Variants in SEPTIN10 observed in about 807,000 individuals in gnomAD.
SEPTIN10 encodes septin-10.
Under a neutral mutation model 54.8 loss-of-function variants are expected in SEPTIN10, and 66 were observed. The observed-to-expected ratio is 1.21, with a 90% CI of 0.99 to 1.48. SEPTIN10 has a LOEUF of 1.48. Ranked by LOEUF, SEPTIN10 falls within the 40% of genes most tolerant of loss-of-function variation. SEPTIN10 has a pLI of 0.00. For synonymous variants in SEPTIN10, 161 were observed against 181.0 expected (o/e 0.89, Z 0.89); for missense variants, 620 against 545.6 (o/e 1.14, Z -1.36).
Position 109,544,227 on chromosome 2 carries a change from A to C in SEPTIN10, c.*82T>G. On this transcript the variant is annotated 3_prime_UTR_variant, in exon 11 of 11. Coordinates refer to ENST00000397712, the MANE Select transcript of SEPTIN10 (RefSeq NM_144710.5). ...ATATAGAAGTGATAAAACAAATAACAGCAAAATCAAAGCACACTTCTAGTT... is the reference window on the plus strand; with the variant it reads ...ATATAGAAGTGATAAAACAAATAACCGCAAAATCAAAGCACACTTCTAGTT... 6.2e-7 allele frequency: 1 copy of C among 1,611,728 alleles called. No homozygotes were observed. Among genetic ancestry groups the C allele is most frequent in the Non-Finnish European group, 8.5e-7 (1 of 1,179,232 alleles).
At chr2:109,594,655 T>A (rs929990622) in intron 1 of SEPTIN10, 2 of 152,182 alleles carry the variant, frequency 1.3e-5, no homozygotes, top group Admixed American at 6.5e-5. Flanking sequence ...GGCATTGCAA[T>A]GAAAGAGAGA....
chr2:109,574,776 T>C lies in SEPTIN10; in HGVS notation c.414-9A>G. 6.4e-7 allele frequency: 1 copy of C among 1,558,718 alleles called. No homozygotes were observed. The highest frequency in any genetic ancestry group is 8.7e-7 in the Non-Finnish European group (1 of 1,154,004). The stretch of plus-strand genomic sequence containing the variant: ...CAACTATTGGTTGGTAGCTGAAAAA[T>C]TATTTAAATGTTTAATACAACATTA... On this transcript the variant is annotated splice_polypyrimidine_tract_variant and intron_variant, in intron 4 of 10. Coordinates refer to ENST00000397712, the MANE Select transcript of SEPTIN10 (RefSeq NM_144710.5).
chr2:109,596,899 A>G (rs1695428627), intron 1 of SEPTIN10, among the ~76,000 whole-genome samples: 1 of 152,174 alleles, frequency 6.6e-6, no homozygotes, highest in South Asian at 2.1e-4. Flanking sequence ...AATTTCCAAA[A>G]CAAGTTTAAT....
chr2:109,603,529 G>A (rs976062742), intron 1 of SEPTIN10, among the ~76,000 whole-genome samples: 4 of 150,960 alleles, frequency 2.6e-5, no homozygotes, highest in African/African-American at 7.3e-5. Flanking sequence ...GTGCACCACC[G>A]CGCCCGGCCT....
intron 2 of SEPTIN10, among the ~76,000 whole-genome samples, chr2:109,587,997 T>C (rs1692987514): frequency 6.6e-6 from 1 of 151,056 alleles, no homozygotes; most frequent in Admixed American, 6.6e-5. Flanking sequence ...GAGGCTGAGG[T>C]GGGAGGATCA....
At chr2:109,613,768 G>T (rs1427420873) in intron 1 of SEPTIN10, 30 bp downstream of exon 1, 1 of 1,214,940 alleles carries the variant, frequency 8.2e-7, no homozygotes, top group African/African-American at 1.6e-5. Flanking sequence ...GGGAGCGCGG[G>T]GCTGGGGCCC....
At chr2:109,546,321 C>G (rs1681230829) in intron 9 of SEPTIN10, 84 bp from the exon 10 acceptor site, 1 of 834,644 alleles carries the variant, frequency 1.2e-6, no homozygotes, top group Admixed American at 2.8e-5. Flanking sequence ...AAAGGCGGAC[C>G]CCATAGCGCA....
chr2:109,587,354 GAC>G (rs1161753343), intron 2 of SEPTIN10, among the ~76,000 whole-genome samples: 2 of 152,052 alleles, frequency 1.3e-5, no homozygotes, highest in African/African-American at 4.8e-5. Context: ...ATAAAACTAT[GAC>G]AGTCTTAAAA....
rs1044441719 is a variant in SEPTIN10, at chr2:109,555,550, T to C, written c.1029-2331A>G. Among the ~76,000 whole-genome samples the C allele has an allele frequency of 8.5e-5, 13 of 152,302 alleles. 1 individual carries two copies. The highest frequency in any genetic ancestry group is 6.5e-4 in the Admixed American group (10 of 15,300). On this transcript the variant is annotated intron_variant, in intron 8 of 10. Transcript: ENST00000397712. ...GGCTATATTAGTAAAGAGCAAACTATTCTCATAAATGCAGAATGTTAGCAA... is the reference window on the plus strand; with the variant it reads ...GGCTATATTAGTAAAGAGCAAACTACTCTCATAAATGCAGAATGTTAGCAA...
intron 4 of SEPTIN10, among the ~76,000 whole-genome samples, chr2:109,579,017 A>T (rs1343092622): frequency 6.6e-6 from 1 of 152,240 alleles, no homozygotes; most frequent in Non-Finnish European, 1.5e-5. Context: ...AAGATTAAAT[A>T]AATTGACAAC....
intron 1 of SEPTIN10, among the ~76,000 whole-genome samples, chr2:109,601,564 C>T (rs1657338204): frequency 6.6e-6 from 1 of 152,162 alleles, no homozygotes; most frequent in Admixed American, 6.5e-5. Context: ...TCCCACTTGC[C>T]TATCAGGGTA....
intron 1 of SEPTIN10, among the ~76,000 whole-genome samples, chr2:109,599,857 T>C (rs1053822302): frequency 6.6e-6 from 1 of 152,186 alleles, no homozygotes; most frequent in African/African-American, 2.4e-5. Context: ...AGAAAAAATA[T>C]CATTTCTAAT....
chr2:109,565,928 G>T, intron 6 of SEPTIN10, 69 bp from the exon 7 acceptor site: 1 of 1,307,290 alleles, frequency 7.6e-7, no homozygotes, highest in Non-Finnish European at 1.1e-6. Context: ...TAAATTTTAT[G>T]TGAGAGAGAA....
chr2:109,600,020 C>T (rs1696269542), intron 1 of SEPTIN10, among the ~76,000 whole-genome samples: 1 of 152,204 alleles, frequency 6.6e-6, no homozygotes, highest in Non-Finnish European at 1.5e-5. Context: ...AAGATTGCAG[C>T]TTGCTGACCG....
Position 109,546,006 on chromosome 2 carries a change from C to T in SEPTIN10, c.1349+44G>A. On this transcript the variant is annotated intron_variant, in intron 10 of 10. Coordinates refer to ENST00000397712, the MANE Select transcript of SEPTIN10 (RefSeq NM_144710.5). ...AGGAAGATCCGACAGGGCAATGTGA[C>T]AAGTGTGGGCAGGGCTGCCAGGGAG... 5 of 1,524,052 alleles carry T rather than the reference C, an allele frequency of 3.3e-6. No individual in the cohort carries two copies. The South Asian group carries it at 6.7e-5, about 20-fold the overall frequency. 94.4% of individuals were successfully genotyped at this position (1,524,052 alleles called of 1,614,324 possible).
chr2:109,588,145 G>A (rs1299882033), intron 2 of SEPTIN10, among the ~76,000 whole-genome samples: 1 of 151,370 alleles, frequency 6.6e-6, no homozygotes, highest in African/African-American at 2.4e-5. Flanking sequence ...TACAGCCAAT[G>A]AAAACATCCT....
intron 1 of SEPTIN10, among the ~76,000 whole-genome samples, chr2:109,595,451 A>C (rs1316939923): frequency 2.0e-5 from 3 of 152,200 alleles, no homozygotes; most frequent in African/African-American, 7.2e-5. Context: ...CCCCAGTCCC[A>C]GTCATCATGT....
At chr2:109,548,116 A>C (rs1215291452) in intron 9 of SEPTIN10, among the ~76,000 whole-genome samples, 1 of 146,926 alleles carries the variant, frequency 6.8e-6, no homozygotes, top group Non-Finnish European at 1.5e-5. Context: ...TTCTGCATGC[A>C]GTTCAGAGAG....
intron 8 of SEPTIN10, among the ~76,000 whole-genome samples, chr2:109,557,173 A>T (rs919429031): frequency 1.3e-5 from 2 of 152,136 alleles, no homozygotes; most frequent in Non-Finnish European, 2.9e-5. Flanking sequence ...AGTATAATAA[A>T]AAAAAATTTA....
Sources: gnomAD v4.1 joint callset for allele counts (sites outside exome capture counted in the v4.1 genomes callset) on GRCh38, gnomAD v4.1.1 for gene constraint, MANE v1.5 for transcripts, NCBI Gene and HGNC (gene_info 2026-07-23, HGNC 2026-07-21) for gene names.